The following ZNF33A variants were observed in gnomAD, a reference collection of about 807,000 sequenced individuals.
ZNF33A encodes the protein zinc finger protein 33A.
Under a neutral mutation model 15.9 loss-of-function variants are expected in ZNF33A, and 9 were observed. The observed-to-expected ratio is 0.57, with a 90% CI of 0.34 to 0.99. The LOEUF is 0.99. ZNF33A is among the 50% of genes least tolerant of loss of function. The pLI is 0.02. For missense variants in ZNF33A, 843 were observed against 941.6 expected, an observed-to-expected ratio of 0.90 and a Z score of 1.37; for synonymous variants, 294 against 324.2, an observed-to-expected ratio of 0.91 and a Z score of 1.00.
chr10:38,029,735 A>G (rs2065133336), intron 4 of ZNF33A, among the ~76,000 whole-genome samples: 1 of 152,178 alleles, frequency 6.6e-6, no homozygotes, highest in African/African-American at 2.4e-5. Flanking sequence ...AGGCAACACA[A>G]TAATATGGTT....
Position 38,056,734 on chromosome 10 carries a change from A to G in ZNF33A, c.*174A>G, listed in dbSNP as rs1334468639. 3 of 1,251,354 alleles carry G rather than the reference A, an allele frequency of 2.4e-6. No individual in the cohort carries two copies. Among genetic ancestry groups the G allele is most frequent in the Non-Finnish European group, 3.0e-6 (3 of 998,508 alleles). 77.5% of individuals were successfully genotyped at this position (1,251,354 alleles called of 1,614,324 possible). A position where few individuals can be genotyped will look rare whatever the true frequency, so the allele number is the denominator to read the frequency against. ...TTTGAATTTGTGAAAGTTTTTGGCAAAAATGCAAATAAGGTTATGTTAGAA... is the reference window on the plus strand; with the variant it reads ...TTTGAATTTGTGAAAGTTTTTGGCAGAAATGCAAATAAGGTTATGTTAGAA... On this transcript the variant is annotated 3_prime_UTR_variant, in exon 5 of 5. Coordinates refer to ENST00000432900, the MANE Select transcript of ZNF33A (RefSeq NM_006954.2).
intron 4 of ZNF33A, among the ~76,000 whole-genome samples, chr10:38,019,742 A>G (rs1033867214): frequency 6.6e-6 from 1 of 152,212 alleles, no homozygotes; most frequent in Admixed American, 6.5e-5. Context: ...GAAGTTCTCT[A>G]AATAGAATGG....
intron 4 of ZNF33A, among the ~76,000 whole-genome samples, chr10:38,050,513 G>T (rs2066154219): frequency 2.0e-5 from 3 of 152,206 alleles, no homozygotes; most frequent in African/African-American, 7.2e-5. Flanking sequence ...TGATTTGTAT[G>T]TAAAGTCTGA....
intron 4 of ZNF33A, among the ~76,000 whole-genome samples, chr10:38,038,102 T>G (rs1376994871): frequency 2.6e-5 from 4 of 152,184 alleles, no homozygotes; most frequent in Non-Finnish European, 2.9e-5. Context: ...TATTTTATTC[T>G]TTTTGATGCT....
Position 38,055,959 on chromosome 10 carries a change from A to C in ZNF33A, c.1835A>C (p.Asn612Thr). The change falls in exon 5 of 5, where the codon AAT (asparagine) becomes ACT (threonine). Residue 612 changes from asparagine to threonine, a missense_variant. Transcript: ENST00000432900. The stretch of plus-strand genomic sequence containing the variant: ...ACAGGGGAGAAACCCTATGAATGTA[A>C]TGAATGTGGAAAAGCCTTCTACCAG... ...THTGEKPYEC[N>T]ECGKAFYQKS... 6.2e-7 allele frequency: 1 copy of C among 1,614,044 alleles called. No homozygotes were observed.
intron 4 of ZNF33A, among the ~76,000 whole-genome samples, chr10:38,020,256 GTATA>G (rs1055230597): frequency 3.9e-5 from 6 of 152,008 alleles, no homozygotes; most frequent in Non-Finnish European, 7.4e-5. Flanking sequence ...TACATAGTAG[GTATA>G]TATATTTTTG....
At chr10:38,024,093 G>A (rs1590514974) in intron 4 of ZNF33A, among the ~76,000 whole-genome samples, 4 of 149,390 alleles carry the variant, frequency 2.7e-5, no homozygotes, top group South Asian at 2.1e-4. Context: ...TGGAGGTTAC[G>A]GTGAGCCGAG....
chr10:38,050,184 C>G (rs1361300898), intron 4 of ZNF33A, among the ~76,000 whole-genome samples: 2 of 152,132 alleles, frequency 1.3e-5, no homozygotes, highest in African/African-American at 2.4e-5. Context: ...AATAACAAAA[C>G]GAGACAAAGA....
At chr10:38,025,532 ATGCAGTGGCCTTC>A (rs1227347521) in intron 4 of ZNF33A, among the ~76,000 whole-genome samples, 4 of 152,242 alleles carry the variant, frequency 2.6e-5, no homozygotes, top group African/African-American at 9.6e-5. Flanking sequence ...CGATGTGAAT[ATGCAGTGGCCTTC>A]TGCAAGCTAG....
At chr10:38,040,247 G>A (rs2065635987) in intron 4 of ZNF33A, among the ~76,000 whole-genome samples, 2 of 151,894 alleles carry the variant, frequency 1.3e-5, no homozygotes, top group African/African-American at 4.8e-5. Flanking sequence ...TGTTTCATGT[G>A]TACTTTTGAA....
At chr10:38,065,735 G>A (rs1000813848), downstream of ZNF33A, among the ~76,000 whole-genome samples, 1 of 149,924 alleles carries the variant, frequency 6.7e-6, no homozygotes, top group African/African-American at 2.5e-5. Flanking sequence ...TTTTGAGACG[G>A]ATTTTTGCTC....
chr10:38,064,490 G>A (rs548244466), downstream of ZNF33A: 24 of 232,130 alleles, frequency 1.0e-4, no homozygotes, highest in East Asian at 1.6e-3. Context: ...GGGAAAAGAA[G>A]ATTCAAGTTT....
intron 4 of ZNF33A, among the ~76,000 whole-genome samples, chr10:38,040,770 C>A (rs1007270682): frequency 6.6e-6 from 1 of 152,154 alleles, no homozygotes; most frequent in Non-Finnish European, 1.5e-5. Flanking sequence ...ATTTTCAAAT[C>A]ATTCCCTTTT....
At chr10:38,035,043 C>G (rs1026060524) in intron 4 of ZNF33A, among the ~76,000 whole-genome samples, 1 of 151,480 alleles carries the variant, frequency 6.6e-6, no homozygotes, top group African/African-American at 2.4e-5. Context: ...TCTTCCCTTG[C>G]TTCCCTGCAA....
At chr10:38,029,879 A>G (rs1208495494) in intron 4 of ZNF33A, among the ~76,000 whole-genome samples, 1 of 152,210 alleles carries the variant, frequency 6.6e-6, no homozygotes. Flanking sequence ...GTGCACCAGC[A>G]TATACAAATG....
At chr10:38,050,570 C>G (rs1012676891) in intron 4 of ZNF33A, among the ~76,000 whole-genome samples, 11 of 152,240 alleles carry the variant, frequency 7.2e-5, no homozygotes, top group African/African-American at 2.7e-4. Flanking sequence ...TTGAGAGGCA[C>G]TGCCCTACTA....
chr10:38,014,317 T>C (rs1364444074), intron 2 of ZNF33A, among the ~76,000 whole-genome samples: 1 of 152,166 alleles, frequency 6.6e-6, no homozygotes, highest in Admixed American at 6.5e-5. Flanking sequence ...ATTACAGGTG[T>C]GAGCCACCGT....
chr10:38,044,214 T>A (rs961638258), intron 4 of ZNF33A, among the ~76,000 whole-genome samples: 1 of 150,546 alleles, frequency 6.6e-6, no homozygotes, highest in African/African-American at 2.4e-5. Flanking sequence ...CTTTCTTTTT[T>A]TTTTTTTTTT....
chr10:38,032,091 A>G (rs775855659), intron 4 of ZNF33A, among the ~76,000 whole-genome samples: 1 of 152,192 alleles, frequency 6.6e-6, no homozygotes, highest in East Asian at 1.9e-4. Flanking sequence ...ACTGAATCTC[A>G]TAGAGGATCT....
Sources: allele counts gnomAD v4.1 joint callset (sites outside exome capture counted in the v4.1 genomes callset), GRCh38; gene constraint gnomAD v4.1.1; transcripts MANE v1.5; gene names NCBI Gene and HGNC (gene_info 2026-07-23, HGNC 2026-07-21).